Variants in PLIN3 observed in about 807,000 individuals in gnomAD.
PLIN3 encodes the protein perilipin 3.
Under a neutral mutation model 35.9 loss-of-function variants are expected in PLIN3, and 30 were observed. The ratio of observed to expected loss-of-function variants is 0.84; its 90% CI spans 0.62 to 1.13. The LOEUF (loss-of-function observed/expected upper bound fraction) is 1.13, where lower values mean the gene tolerates loss of function less well. Among genes scored for constraint, PLIN3 ranks in the 50% most tolerant of loss-of-function variants. The pLI, the probability that PLIN3 is intolerant of heterozygous loss-of-function variation, is 0.00. For missense variants in PLIN3, 603 were observed against 596.9 expected, an observed-to-expected ratio of 1.01 and a Z score of -0.11; for synonymous variants, 261 against 262.5, an observed-to-expected ratio of 0.99 and a Z score of 0.06.
intron 4 of PLIN3, 151 bp from the exon 5 acceptor site, chr19:4,852,452 C>T (rs2030333836): frequency 1.1e-6 from 1 of 926,338 alleles, no homozygotes; most frequent in Non-Finnish European, 1.6e-6. Context: ...GTGGGCACCC[C>T]TCCCCTGCAC....
In PLIN3 at chr19:4,839,448, C is replaced by T. The variant is rs1441370556; in HGVS notation, c.1049G>A (p.Gly350Asp). ...CTGGTCCTTCACATTGGTGGGGAGGCCCTGAATGCTGGACCCCAGGGAGGT... is the reference window on the plus strand; with the variant it reads ...CTGGTCCTTCACATTGGTGGGGAGGTCCTGAATGCTGGACCCCAGGGAGGT... ...TCTSLGSSIQ[G>D]LPTNVKDQVQ... Residue 350 changes from glycine to aspartate, a missense_variant, in exon 8 of 8, where the codon GGC (glycine) becomes GAC (aspartate). Coordinates refer to ENST00000221957, the MANE Select transcript of PLIN3 (RefSeq NM_005817.5). 2 of 1,592,618 alleles carry T rather than the reference C, an allele frequency of 1.3e-6. No individual in the cohort carries two copies. The highest frequency in any genetic ancestry group is 1.7e-6 in the Non-Finnish European group (2 of 1,165,472).
At position 4,859,852 on chromosome 19, in the gene PLIN3, G is replaced by A. The variant is rs147933215; in HGVS notation, c.239C>T (p.Pro80Leu). 29 of 1,612,964 alleles carry A rather than the reference G, an allele frequency of 1.8e-5. No homozygotes were observed. The African/African-American group carries it at 2.3e-4, about 13-fold the overall frequency. The change falls in exon 3 of 8, where the codon CCG becomes CTG. Residue 80 changes from proline to leucine, a missense_variant. Pro to Leu is a moderately conservative substitution (Grantham distance 98). Transcript: ENST00000221957. ...CTGGGGCTCCAGCTTGGAGAGGATC[G>A]GCTGAGCCCCGCTGACAGCAGCCGC... ...LTAAAVSGAQPILSKLEPQIA... is the reference protein window; with the variant it reads ...LTAAAVSGAQLILSKLEPQIA...
rs190275874 is a variant in PLIN3, at chr19:4,841,332, C to T, written c.961-1796G>A. On this transcript the variant is annotated intron_variant, in intron 7 of 7. Coordinates refer to ENST00000221957, the MANE Select transcript of PLIN3 (RefSeq NM_005817.5). ...CCACAGCATGGGTGAGCCCTAAGGACGTCACGCTCAGCGCGAGAAGCCGGA... is the reference window on the plus strand; with the variant it reads ...CCACAGCATGGGTGAGCCCTAAGGATGTCACGCTCAGCGCGAGAAGCCGGA... Among the ~76,000 whole-genome samples the T allele has an allele frequency of 2.0e-3, 299 of 152,192 alleles. 2 individuals carry two copies. The highest frequency in any genetic ancestry group is 6.5e-3 in the African/African-American group (271 of 41,528).
At chr19:4,847,584 C>G in intron 6 of PLIN3, 107 bp downstream of exon 6, 1 of 927,936 alleles carries the variant, frequency 1.1e-6, no homozygotes, top group Non-Finnish European at 1.7e-6. Flanking sequence ...GCGGGAATGG[C>G]CCTGCCAGCC....
intron 4 of PLIN3, among the ~76,000 whole-genome samples, chr19:4,857,173 C>CA (rs1266718552): frequency 1.3e-5 from 2 of 152,122 alleles, no homozygotes; most frequent in African/African-American, 4.8e-5. Context: ...CACAGTGGCA[C>CA]ACTCCTATAA....
Position 4,844,740 on chromosome 19 carries a change from C to T in PLIN3, c.888G>A (p.Lys296=), listed in dbSNP as rs540962082. The T allele has an allele frequency of 2.0e-5, 32 of 1,604,216 alleles. No individual in the cohort carries two copies. The South Asian group carries it at 3.3e-4, about 16-fold the overall frequency. ...VDQKLVEGQE[K]LHQMWLSWNQ... ...TCCAGCTGAGCCACATCTGGTGCAGCTTCTCCTGGCCTTCCACCAGCTTCT... is the reference window on the plus strand; with the variant it reads ...TCCAGCTGAGCCACATCTGGTGCAGTTTCTCCTGGCCTTCCACCAGCTTCT... The change falls in exon 7 of 8, where the codon AAG becomes AAA. Residue 296 remains lysine, a synonymous_variant. Coordinates refer to ENST00000221957, the MANE Select transcript of PLIN3 (RefSeq NM_005817.5).
Position 4,861,338 on chromosome 19 carries a change from C to T in PLIN3, c.57G>A (p.Pro19=), listed in dbSNP as rs150099674. ...DGSTQVTVEE[P]VQQPSVVDRV... is the part of the protein sequence containing the mutation. Reference sequence around the variant, plus strand: ...CCCGGCCCTTCCTCACCTGCTGTACCGGTTCTTCCACTGTCACCTGGGTGC... The same window carrying T: ...CCCGGCCCTTCCTCACCTGCTGTACTGGTTCTTCCACTGTCACCTGGGTGC... The change falls in exon 2 of 8, where the codon CCG becomes CCA. Residue 19 remains proline (P), a synonymous_variant. Coordinates refer to ENST00000221957, the MANE Select transcript of PLIN3 (RefSeq NM_005817.5). 109 of 1,613,426 alleles carry T rather than the reference C, an allele frequency of 6.8e-5. No homozygotes were observed. The African/African-American group carries it at 1.1e-3, about 16-fold the overall frequency.
chr19:4,850,012 C>T (rs946593042), intron 5 of PLIN3, among the ~76,000 whole-genome samples: 1 of 151,952 alleles, frequency 6.6e-6, no homozygotes, highest in African/African-American at 2.4e-5. Flanking sequence ...ATGGCGCAGT[C>T]TTGGCTCACC....
At chr19:4,866,593 A>C (rs933777935) in intron 1 of PLIN3, 5 of 152,210 alleles carry the variant, frequency 3.3e-5, no homozygotes, top group Non-Finnish European at 5.9e-5. Flanking sequence ...TAGGTACAAA[A>C]GTCCCCCAAC....
intron 4 of PLIN3, among the ~76,000 whole-genome samples, chr19:4,856,325 G>A (rs925271907): frequency 2.6e-5 from 4 of 152,036 alleles, no homozygotes; most frequent in Admixed American, 6.6e-5. Flanking sequence ...TTGGGAGGCC[G>A]AGGCAGGCAG....
At chr19:4,842,599 CAAA>C (rs11383489) in intron 7 of PLIN3, among the ~76,000 whole-genome samples, 1 of 46,902 alleles carries the variant, frequency 2.1e-5, no homozygotes. Flanking sequence ...GACTCTATCT[CAAA>C]AAAAAAAAAA....
At chr19:4,839,667 CT>C (rs781142496) in intron 7 of PLIN3, 131 bp from the exon 8 acceptor site, 53,231 of 434,366 alleles carry the variant, frequency 0.12, no homozygotes, top group East Asian at 0.16. Context: ...ATAGGCGAAA[CT>C]TTTTTTTTTT....
At chr19:4,858,592 C>A (rs1009953483) in intron 4 of PLIN3, among the ~76,000 whole-genome samples, 1 of 151,436 alleles carries the variant, frequency 6.6e-6, no homozygotes, top group African/African-American at 2.4e-5. Flanking sequence ...CTGTGTTTGC[C>A]AGGATGGTCT....
intron 5 of PLIN3, among the ~76,000 whole-genome samples, 192 bp downstream of exon 5, chr19:4,851,822 CTG>C (rs2030300295): frequency 6.6e-6 from 1 of 151,924 alleles, no homozygotes; most frequent in African/African-American, 2.4e-5. Context: ...GGGGAGGAGA[CTG>C]TGGTGGATGA....
chr19:4,841,904 C>CAAAAAA (rs111932271), intron 7 of PLIN3, among the ~76,000 whole-genome samples: 2 of 38,676 alleles, frequency 5.2e-5, no homozygotes. Context: ...GACTCCATCT[C>CAAAAAA]AAAAAAAAAA....
chr19:4,854,659 A>G (rs2030415000), intron 4 of PLIN3, among the ~76,000 whole-genome samples: 1 of 152,050 alleles, frequency 6.6e-6, no homozygotes, highest in Non-Finnish European at 1.5e-5. Flanking sequence ...TAACAGCCCC[A>G]CTACTCAGTG....
At chr19:4,865,848 C>T (rs1291996301) in intron 1 of PLIN3, among the ~76,000 whole-genome samples, 2 of 149,498 alleles carry the variant, frequency 1.3e-5, no homozygotes, top group East Asian at 2.0e-4. Flanking sequence ...CTCAGCCTCC[C>T]GAGTAGCTGG....
chr19:4,841,441 T>TGGG lies in PLIN3; in HGVS notation c.961-1908_961-1906dup, dbSNP rs773190924. ...CCAGAGACAGGAGGGGATACGTGGT[T>TGGG]GGGAGGAGGAGGAAATGGGGCAGTG... On this transcript the variant is annotated intron_variant, in intron 7 of 7. Coordinates refer to ENST00000221957, the MANE Select transcript of PLIN3 (RefSeq NM_005817.5). Among the ~76,000 whole-genome samples the TGGG allele has an allele frequency of 3.3e-5, 5 of 151,978 alleles. No homozygotes were observed. The South Asian group carries it at 1.0e-3, about 32-fold the overall frequency.
At chr19:4,865,212 G>A (rs1186085087) in intron 1 of PLIN3, among the ~76,000 whole-genome samples, 4 of 151,636 alleles carry the variant, frequency 2.6e-5, no homozygotes, top group Non-Finnish European at 5.9e-5. Flanking sequence ...GAAAAAGCCA[G>A]GCATGGTAGC....
Sources: gnomAD v4.1 joint callset for allele counts (sites outside exome capture counted in the v4.1 genomes callset) on GRCh38, gnomAD v4.1.1 for gene constraint, MANE v1.5 for transcripts, NCBI Gene and HGNC (gene_info 2026-07-23, HGNC 2026-07-21) for gene names.